CDH13: variants seen among roughly 807,000 people sequenced by gnomAD.
CDH13 encodes cadherin 13.
CDH13 carries 24 observed loss-of-function variants against 63.8 expected under a neutral mutation model. That is an observed-to-expected ratio of 0.38 (90% CI 0.27 to 0.53). The LOEUF is 0.53. CDH13 is among the 20% of genes least tolerant of loss of function. CDH13 has a pLI of 0.85. For synonymous variants in CDH13, 503 were observed against 355.3 expected (o/e 1.42, Z -4.67); for missense variants, 1,049 against 903.1 (o/e 1.16, Z -2.07).
chr16:83,786,556 C>G (rs1915894681), intron 13 of CDH13, among the ~76,000 whole-genome samples: 1 of 149,378 alleles, frequency 6.7e-6, no homozygotes, highest in African/African-American at 2.5e-5. Flanking sequence ...TTTCCTTTGT[C>G]TTTCTTTTCT....
chr16:82,647,496 T>A (rs1910233451), intron 1 of CDH13, among the ~76,000 whole-genome samples: 1 of 152,174 alleles, frequency 6.6e-6, no homozygotes, highest in Admixed American at 6.5e-5. Flanking sequence ...GGTCTGTTAC[T>A]CAGGCAGGTA....
chr16:83,667,182 A>G (rs940626254), intron 8 of CDH13, among the ~76,000 whole-genome samples: 1 of 152,126 alleles, frequency 6.6e-6, no homozygotes, highest in East Asian at 1.9e-4. Flanking sequence ...ATCCAAGGAC[A>G]TATGAGGGCC....
At chr16:83,476,161 A>AT (rs2073598484) in intron 6 of CDH13, among the ~76,000 whole-genome samples, 1 of 152,228 alleles carries the variant, frequency 6.6e-6, no homozygotes, top group Non-Finnish European at 1.5e-5. Context: ...CTCTTAATAC[A>AT]TGCAAAGCAT....
chr16:83,273,333 C>T (rs981896501), intron 5 of CDH13, among the ~76,000 whole-genome samples: 1 of 151,996 alleles, frequency 6.6e-6, no homozygotes, highest in African/African-American at 2.4e-5. Context: ...TCTCCCACCC[C>T]CAACCCTTCA....
intron 6 of CDH13, among the ~76,000 whole-genome samples, chr16:83,423,609 G>C (rs972224850): frequency 6.6e-6 from 1 of 152,158 alleles, no homozygotes. Context: ...ACACCTAAAT[G>C]AATACTTGAA....
intron 5 of CDH13, among the ~76,000 whole-genome samples, chr16:83,291,492 C>T (rs915863390): frequency 1.3e-5 from 2 of 152,114 alleles, no homozygotes; most frequent in Non-Finnish European, 2.9e-5. Context: ...CATTAGGCAG[C>T]GTAGTTAGTA....
chr16:83,311,697 G>T (rs947322799), intron 5 of CDH13, among the ~76,000 whole-genome samples: 1 of 152,176 alleles, frequency 6.6e-6, no homozygotes, highest in African/African-American at 2.4e-5. Context: ...CTCAAGGCTT[G>T]TACTCTCTAT....
intron 10 of CDH13, among the ~76,000 whole-genome samples, chr16:83,681,714 T>C (rs529665835): frequency 2.6e-5 from 4 of 152,266 alleles, no homozygotes; most frequent in African/African-American, 9.6e-5. Context: ...CATTAATTAT[T>C]TGCAGCCTTT....
intron 1 of CDH13, among the ~76,000 whole-genome samples, chr16:82,656,145 C>A (rs1308747334): frequency 1.3e-5 from 2 of 152,128 alleles, no homozygotes; most frequent in Non-Finnish European, 2.9e-5. Context: ...TGAGCTGAGA[C>A]TGAAAATCAT....
intron 6 of CDH13, among the ~76,000 whole-genome samples, chr16:83,400,228 C>T (rs772859695): frequency 4.0e-5 from 6 of 151,896 alleles, no homozygotes; most frequent in Non-Finnish European, 5.9e-5. Context: ...TTAAAGAAAT[C>T]GATCCAGAAA....
At chr16:82,969,948 T>A (rs976303763) in intron 2 of CDH13, among the ~76,000 whole-genome samples, 8 of 152,166 alleles carry the variant, frequency 5.3e-5, no homozygotes, top group African/African-American at 1.4e-4. Context: ...TCTTTTTTTT[T>A]TTATTATACT....
chr16:82,873,065 C>G (rs1174156354), intron 2 of CDH13, among the ~76,000 whole-genome samples: 2 of 152,174 alleles, frequency 1.3e-5, no homozygotes, highest in Admixed American at 1.3e-4. Context: ...TTCTGCATGG[C>G]TGCTGAAGAA....
intron 6 of CDH13, 23 bp from the exon 7 acceptor site, chr16:83,486,454 G>C (rs1325140789): frequency 1.2e-6 from 2 of 1,602,964 alleles, no homozygotes; most frequent in Non-Finnish European, 1.7e-6. Context: ...ACCATTCCGT[G>C]CCTTTCTGTC....
intron 8 of CDH13, among the ~76,000 whole-genome samples, chr16:83,653,797 T>A (rs577362419): frequency 6.6e-6 from 1 of 152,204 alleles, no homozygotes; most frequent in Admixed American, 6.5e-5. Context: ...CACTCCCACA[T>A]AGGGACAACA....
intron 1 of CDH13, among the ~76,000 whole-genome samples, chr16:82,791,038 C>T (rs1353885967): frequency 6.6e-6 from 1 of 152,134 alleles, no homozygotes; most frequent in East Asian, 1.9e-4. Flanking sequence ...GAGATCGAGA[C>T]CATCCTGGCT....
intron 4 of CDH13, among the ~76,000 whole-genome samples, chr16:83,213,182 A>G (rs1051140448): frequency 5.3e-5 from 8 of 152,326 alleles, no homozygotes; most frequent in Admixed American, 5.2e-4. Flanking sequence ...ATTTCAATTC[A>G]GCAGCAGGAG....
chr16:82,847,669 G>T (rs1257847503), intron 1 of CDH13, among the ~76,000 whole-genome samples: 1 of 152,178 alleles, frequency 6.6e-6, no homozygotes, highest in South Asian at 2.1e-4. Flanking sequence ...AGGTCCTGGG[G>T]AGTAGGGTGA....
intron 1 of CDH13, among the ~76,000 whole-genome samples, chr16:82,709,543 A>C (rs1187049258): frequency 2.0e-5 from 3 of 152,182 alleles, no homozygotes; most frequent in Non-Finnish European, 4.4e-5. Flanking sequence ...CTGTTACTTC[A>C]TCTGAAAGTG....
At chr16:82,994,398 C>T (rs1311349507) in intron 2 of CDH13, among the ~76,000 whole-genome samples, 1 of 152,116 alleles carries the variant, frequency 6.6e-6, no homozygotes, top group Non-Finnish European at 1.5e-5. Context: ...GCCTGAGACC[C>T]CCTACCTTTA....
Sources: gnomAD v4.1 joint callset for allele counts (sites outside exome capture counted in the v4.1 genomes callset) on GRCh38, gnomAD v4.1.1 for gene constraint, MANE v1.5 for transcripts, NCBI Gene and HGNC (gene_info 2026-07-23, HGNC 2026-07-21) for gene names.